Variants in PRR16 observed in about 807,000 individuals in gnomAD.
PRR16 encodes the protein proline rich 16, also known as protein Largen.
PRR16 carries 6 observed loss-of-function variants against 18.2 expected under a neutral mutation model. The ratio of observed to expected loss-of-function variants is 0.33; its 90% CI spans 0.18 to 0.65. PRR16 has a LOEUF of 0.65. Ranked by LOEUF, PRR16 falls within the 30% of genes least tolerant of loss-of-function variation. The probability of loss-of-function intolerance (pLI) is 0.74; values close to 1 mark genes in which losing one functional copy is unlikely to be tolerated. For synonymous variants in PRR16, 151 were observed against 147.8 expected (o/e 1.02, Z -0.16); for missense variants, 412 against 376.6 (o/e 1.09, Z -0.78).
At chr5:120,540,105 A>G (rs970075425) in intron 1 of PRR16, among the ~76,000 whole-genome samples, 1 of 152,174 alleles carries the variant, frequency 6.6e-6, no homozygotes, top group Non-Finnish European at 1.5e-5. Context: ...TTGATGGTTC[A>G]TTAGAAGAAA....
intron 1 of PRR16, among the ~76,000 whole-genome samples, chr5:120,648,777 C>T (rs1046294104): frequency 6.6e-6 from 1 of 152,024 alleles, no homozygotes; most frequent in African/African-American, 2.4e-5. Context: ...GAAGGCAAAG[C>T]CCTGGTTTGT....
chr5:120,592,283 T>C (rs1753662318), intron 1 of PRR16, among the ~76,000 whole-genome samples: 1 of 152,202 alleles, frequency 6.6e-6, no homozygotes, highest in African/African-American at 2.4e-5. Context: ...ATGGAAAATA[T>C]ACTTGTAAAT....
At chr5:120,672,161 T>C (rs1028553543) in intron 1 of PRR16, among the ~76,000 whole-genome samples, 1 of 151,696 alleles carries the variant, frequency 6.6e-6, no homozygotes, top group African/African-American at 2.4e-5. Flanking sequence ...TAGGGCTGCA[T>C]AACAGGACTT....
intron 1 of PRR16, 135 bp downstream of exon 1, chr5:120,464,780 T>C (rs1259678748): frequency 2.1e-6 from 2 of 961,128 alleles, no homozygotes; most frequent in Admixed American, 3.0e-5. Context: ...AGACGGACTT[T>C]CTTTGCTCCT....
chr5:120,667,720 G>A (rs982020882), intron 1 of PRR16, among the ~76,000 whole-genome samples: 13 of 152,106 alleles, frequency 8.5e-5, no homozygotes, highest in African/African-American at 3.1e-4. Flanking sequence ...GTACCCAGTA[G>A]TCATTCAGGA....
At chr5:120,778,466 A>G in the PRR16 span, among the ~76,000 whole-genome samples, 249 of 152,280 alleles carry the variant, frequency 1.6e-3, 1 homozygote, top group Non-Finnish European at 2.3e-3. Context: ...TATATATTTT[A>G]TTTTGCTTTA....
At chr5:120,754,420 T>TATATAG in the PRR16 span, among the ~76,000 whole-genome samples, 2 of 94,774 alleles carry the variant, frequency 2.1e-5, no homozygotes. Context: ...ATACTATATA[T>TATATAG]TATATAATAT....
chr5:120,767,046 T>A, the PRR16 span, among the ~76,000 whole-genome samples: 1 of 151,956 alleles, frequency 6.6e-6, no homozygotes, highest in Admixed American at 6.6e-5. Flanking sequence ...TGTTTATGTA[T>A]CCATTCTTTA....
intron 1 of PRR16, among the ~76,000 whole-genome samples, chr5:120,632,766 C>T (rs1042544502): frequency 6.6e-6 from 1 of 152,050 alleles, no homozygotes; most frequent in Admixed American, 6.5e-5. Flanking sequence ...AATCAGTGTT[C>T]CTGAGTAAGA....
the PRR16 span, among the ~76,000 whole-genome samples, chr5:120,758,978 T>C: frequency 0.011 from 1,511 of 143,212 alleles, 14 homozygotes; most frequent in Non-Finnish European, 0.015. Context: ...TAATTTCTTT[T>C]TTTTTTTTTT....
intron 1 of PRR16, among the ~76,000 whole-genome samples, chr5:120,611,179 G>T (rs931178325): frequency 2.0e-5 from 3 of 152,208 alleles, no homozygotes; most frequent in African/African-American, 7.2e-5. Context: ...GAAGCAAAGT[G>T]TGCAAGTGGT....
rs545136637 is a variant in PRR16 at position 120,493,469 on chromosome 5, T to G, written c.159+28824T>G. Among the ~76,000 whole-genome samples, 3 of 152,306 alleles carry G rather than the reference T, an allele frequency of 2.0e-5. No homozygotes were observed. The South Asian group carries it at 6.2e-4, about 32-fold the overall frequency. ...TGTTTATTTTTTTAATTTAAGCTTTTTATTTTGAGATCATTGTAGATTCTC... is the reference window on the plus strand; with the variant it reads ...TGTTTATTTTTTTAATTTAAGCTTTGTATTTTGAGATCATTGTAGATTCTC... On this transcript the variant is annotated intron_variant, in intron 1 of 1. Coordinates refer to ENST00000407149, the MANE Select transcript of PRR16 (RefSeq NM_001300783.2).
At chr5:120,712,548 T>G in the PRR16 span, among the ~76,000 whole-genome samples, 1 of 152,136 alleles carries the variant, frequency 6.6e-6, no homozygotes, top group Admixed American at 6.5e-5. Flanking sequence ...ATATGTGAAC[T>G]ATATACCTGA....
chr5:120,730,961 G>A, the PRR16 span, among the ~76,000 whole-genome samples: 1 of 152,078 alleles, frequency 6.6e-6, no homozygotes, highest in Admixed American at 6.6e-5. Flanking sequence ...ATGGTCATTA[G>A]AGTTAATTGT....
the PRR16 span, among the ~76,000 whole-genome samples, chr5:120,703,430 G>A: frequency 1.3e-3 from 196 of 152,290 alleles, no homozygotes; most frequent in Middle Eastern, 3.4e-3. Flanking sequence ...ATTTATTTTC[G>A]AAGCCTAGTG....
At chr5:120,598,597 A>C (rs1753888279) in intron 1 of PRR16, among the ~76,000 whole-genome samples, 1 of 151,828 alleles carries the variant, frequency 6.6e-6, no homozygotes, top group African/African-American at 2.4e-5. Context: ...CCCCTCTAGT[A>C]GTCTCTGATA....
the PRR16 span, among the ~76,000 whole-genome samples, chr5:120,699,176 A>G: frequency 3.9e-5 from 6 of 151,956 alleles, no homozygotes; most frequent in Admixed American, 6.6e-5. Flanking sequence ...ATCCCTGAGG[A>G]GTAGTAGAAT....
At chr5:120,675,999 T>C (rs1177334767) in intron 1 of PRR16, among the ~76,000 whole-genome samples, 1 of 152,170 alleles carries the variant, frequency 6.6e-6, no homozygotes, top group African/African-American at 2.4e-5. Flanking sequence ...GAATCCACCT[T>C]ACTCTATTTC....
chr5:120,590,314 T>G (rs1389880379), intron 1 of PRR16, among the ~76,000 whole-genome samples: 1 of 152,134 alleles, frequency 6.6e-6, no homozygotes, highest in East Asian at 1.9e-4. Context: ...CATTCAGTCC[T>G]TCTGTGTCCT....
Sources: gnomAD v4.1 joint callset for allele counts (sites outside exome capture counted in the v4.1 genomes callset) on GRCh38, gnomAD v4.1.1 for gene constraint, MANE v1.5 for transcripts, NCBI Gene and HGNC (gene_info 2026-07-23, HGNC 2026-07-21) for gene names.